NUDC: variants seen among roughly 807,000 people sequenced by gnomAD.
The protein encoded by NUDC is nuclear migration protein nudC.
A neutral mutation model predicts 45.0 loss-of-function variants in NUDC; 14 were observed. The ratio of observed to expected loss-of-function variants is 0.31; its 90% CI spans 0.21 to 0.49. NUDC has a LOEUF of 0.49. Ranked by LOEUF, NUDC falls within the 20% of genes least tolerant of loss-of-function variation. NUDC has a pLI of 0.99. For synonymous variants in NUDC, 153 were observed against 156.7 expected (o/e 0.98, Z 0.17); for missense variants, 323 against 426.2 (o/e 0.76, Z 2.13).
intron 3 of NUDC, chr1:26,913,309 G>A (rs2082039187): frequency 1.9e-6 from 2 of 1,045,440 alleles, no homozygotes; most frequent in Admixed American, 1.8e-5. Flanking sequence ...AGAAAATGAG[G>A]ACCCAATGAG....
intron 3 of NUDC, among the ~76,000 whole-genome samples, chr1:26,916,169 T>C (rs778199665): frequency 1.8e-4 from 28 of 151,786 alleles, no homozygotes; most frequent in Non-Finnish European, 3.2e-4. Flanking sequence ...GGAGGATCAC[T>C]TGAGGCTTCA....
At chr1:26,935,075 G>A (rs920474334) in intron 2 of NUDC, among the ~76,000 whole-genome samples, 4 of 151,906 alleles carry the variant, frequency 2.6e-5, no homozygotes, top group Non-Finnish European at 4.4e-5. Context: ...TCTGCCTCCT[G>A]GGTTCAAGCG....
chr1:26,928,306 A>G (rs1401262746), intron 2 of NUDC, among the ~76,000 whole-genome samples: 2 of 152,178 alleles, frequency 1.3e-5, no homozygotes, highest in Non-Finnish European at 2.9e-5. Flanking sequence ...AATACCAATA[A>G]TAAAAATCCT....
At chr1:26,945,357 C>A in intron 6 of NUDC, 33 bp from the exon 7 acceptor site, 3 of 1,586,238 alleles carry the variant, frequency 1.9e-6, no homozygotes, top group Non-Finnish European at 2.6e-6. Context: ...ACAGAGCAGG[C>A]CACCTCCCAC....
intron 2 of NUDC, among the ~76,000 whole-genome samples, chr1:26,924,445 AG>A (rs2082115446): frequency 6.6e-6 from 1 of 152,212 alleles, no homozygotes; most frequent in South Asian, 2.1e-4. Context: ...CCTTATCCAA[AG>A]TCTTGAGCTG....
At position 26,921,783 on chromosome 1, in the gene NUDC, C is replaced by G; in HGVS notation, c.-66C>G. On this transcript the variant is annotated 5_prime_UTR_variant, in exon 1 of 9. Transcript: ENST00000321265. The stretch of plus-strand genomic sequence containing the variant: ...CTAGAGTCGTTGGGCCCGGCGCGAC[C>G]CGCAGGAGCGTAGAGAGCGCGGGAC... 6.6e-7 allele frequency: 1 copy of G among 1,510,554 alleles called. No homozygotes were observed. The highest frequency in any genetic ancestry group is 9.0e-7 in the Non-Finnish European group (1 of 1,112,786). The allele number at this position is 1,510,554 out of a possible 1,614,324, so 93.6% of individuals were successfully genotyped here. A position where few individuals can be genotyped will look rare whatever the true frequency, so the allele number is the denominator to read the frequency against.
intron 3 of NUDC, chr1:26,912,162 C>G (rs553143542): frequency 1.8e-5 from 29 of 1,577,944 alleles, no homozygotes; most frequent in Non-Finnish European, 2.3e-5. Context: ...GGCCCAAGAT[C>G]TGGGCCATCA....
rs182624241 is a variant in NUDC, at chr1:26,930,744, C to T, written c.159+6578C>T. On this transcript the variant is annotated intron_variant, in intron 2 of 8. Transcript: ENST00000321265. ...AAAAAAAAAAATAGTGGGCTGGGCACGGTGGCTCACACCTGTAATCCCAGC... is the reference window on the plus strand; with the variant it reads ...AAAAAAAAAAATAGTGGGCTGGGCATGGTGGCTCACACCTGTAATCCCAGC... Among the ~76,000 whole-genome samples, 415 of 149,712 alleles carry T rather than the reference C, an allele frequency of 2.8e-3. 4 individuals carry two copies. The highest frequency in any genetic ancestry group is 9.5e-3 in the African/African-American group (388 of 40,988).
chr1:26,945,558 C>G lies in NUDC; in HGVS notation c.826-10C>G, dbSNP rs2082311504. ...GAGCTTCACCGATTCCTGTCACTGC[C>G]TGCCCTCAGCTGTCAGACCTGGACA... On this transcript the variant is annotated splice_polypyrimidine_tract_variant and intron_variant, in intron 7 of 8. Coordinates refer to ENST00000321265, the MANE Select transcript of NUDC (RefSeq NM_006600.4). 2 of 1,613,142 alleles carry G rather than the reference C, an allele frequency of 1.2e-6. No individual in the cohort carries two copies. The highest frequency in any genetic ancestry group is 2.2e-5 in the East Asian group (1 of 44,882).
chr1:26,945,651 T>C lies in NUDC; in HGVS notation c.909T>C (p.Thr303=), dbSNP rs2082312187. ...GACAGAAGTCCATGGGGCTGCCAAC[T>C]TCAGACGAACAGAAGAAACAGGAGA... is the stretch of plus-strand genomic sequence containing the variant. ...DQRQKSMGLP[T]SDEQKKQEIL... The change falls in exon 8 of 9, where the codon ACT becomes ACC. Residue 303 remains threonine (T), a synonymous_variant. Transcript: ENST00000321265. The C allele has an allele frequency of 3.7e-6, 6 of 1,614,116 alleles. No individual in the cohort carries two copies. The highest frequency in any genetic ancestry group is 4.2e-6 in the Non-Finnish European group (5 of 1,180,010).
chr1:26,908,716 C>T (rs967139553), intron 2 of NUDC, among the ~76,000 whole-genome samples: 2 of 151,858 alleles, frequency 1.3e-5, no homozygotes, highest in Non-Finnish European at 2.9e-5. Context: ...AGCCACCATA[C>T]CTAGCTTACT....
chr1:26,926,206 CAA>C (rs1438303540), intron 2 of NUDC, among the ~76,000 whole-genome samples: 2 of 151,906 alleles, frequency 1.3e-5, no homozygotes, highest in African/African-American at 2.4e-5. Flanking sequence ...TAGACATAAA[CAA>C]GAGACATAAT....
chr1:26,935,822 CAA>C (rs2082224886), intron 2 of NUDC, among the ~76,000 whole-genome samples: 1 of 151,338 alleles, frequency 6.6e-6, no homozygotes, highest in African/African-American at 2.4e-5. Context: ...AGACCTCAAA[CAA>C]AGACAAAAAC....
At chr1:26,938,425 C>T (rs2082251225) in intron 2 of NUDC, among the ~76,000 whole-genome samples, 1 of 152,220 alleles carries the variant, frequency 6.6e-6, no homozygotes, top group South Asian at 2.1e-4. Flanking sequence ...TTCAAGGTCT[C>T]TCTGATTAGG....
intron 3 of NUDC, chr1:26,912,228 CT>C: frequency 1.2e-6 from 1 of 830,918 alleles, no homozygotes; most frequent in Non-Finnish European, 1.9e-6. Context: ...CTACCTCCTC[CT>C]TTAGAGGAGG....
At chr1:26,918,463 A>G (rs1031952371), upstream of NUDC, among the ~76,000 whole-genome samples, 4 of 150,502 alleles carry the variant, frequency 2.7e-5, no homozygotes, top group African/African-American at 9.8e-5. Flanking sequence ...TTTAGTAGAG[A>G]TGGGGTTTTA....
intron 2 of NUDC, among the ~76,000 whole-genome samples, chr1:26,936,760 C>T (rs546539806): frequency 1.3e-5 from 2 of 152,248 alleles, no homozygotes; most frequent in East Asian, 1.9e-4. Context: ...CTGGATTTTG[C>T]GTATTGCATC....
At chr1:26,907,945 A>G (rs2082009508) in intron 2 of NUDC, among the ~76,000 whole-genome samples, 1 of 152,148 alleles carries the variant, frequency 6.6e-6, no homozygotes, top group African/African-American at 2.4e-5. Context: ...TTGGAAGGCC[A>G]AGGCAGGTGG....
chr1:26,938,975 C>T (rs908185959), intron 2 of NUDC, among the ~76,000 whole-genome samples: 5 of 152,106 alleles, frequency 3.3e-5, no homozygotes, highest in Non-Finnish European at 5.9e-5. Context: ...ATGAGACATT[C>T]TAGGCAAAGA....
Sources: allele counts gnomAD v4.1 joint callset (sites outside exome capture counted in the v4.1 genomes callset), GRCh38; gene constraint gnomAD v4.1.1; transcripts MANE v1.5; gene names NCBI Gene and HGNC (gene_info 2026-07-23, HGNC 2026-07-21).